METAP2: variants seen among roughly 807,000 people sequenced by gnomAD.
METAP2 encodes the protein methionyl aminopeptidase 2, also known as methionine aminopeptidase 2.
In METAP2, 25 loss-of-function variants were observed where a neutral mutation model predicts 59.4. That is an observed-to-expected ratio of 0.42 (90% CI 0.31 to 0.59). METAP2 has a LOEUF of 0.59. METAP2 is among the 20% of genes least tolerant of loss of function. The pLI is 0.16. For synonymous variants in METAP2, 214 were observed against 194.1 expected, an observed-to-expected ratio of 1.10 and a Z score of -0.85; for missense variants, 366 against 581.2, an observed-to-expected ratio of 0.63 and a Z score of 3.81.
chr12:95,493,890 G>A (rs1460940701), intron 4 of METAP2, among the ~76,000 whole-genome samples, 166 bp from the exon 5 acceptor site: 1 of 152,178 alleles, frequency 6.6e-6, no homozygotes, highest in Non-Finnish European at 1.5e-5. Context: ...AATTTCATTT[G>A]AGTTGGTTGC....
chr12:95,474,403 G>C, intron 1 of METAP2, 73 bp downstream of exon 1: 2 of 1,525,812 alleles, frequency 1.3e-6, no homozygotes, highest in Non-Finnish European at 8.8e-7. Flanking sequence ...CCGTTGAGGG[G>C]GCCGGGACCG....
intron 4 of METAP2, among the ~76,000 whole-genome samples, chr12:95,492,495 C>A (rs952357153): frequency 3.3e-5 from 5 of 151,620 alleles, no homozygotes; most frequent in African/African-American, 1.2e-4. Flanking sequence ...TATCTGAACT[C>A]GAGACTTTGA....
chr12:95,501,061 G>C (rs1197256463), intron 7 of METAP2, among the ~76,000 whole-genome samples: 1 of 148,200 alleles, frequency 6.7e-6, no homozygotes. Flanking sequence ...ACCCAGGCTG[G>C]AGTACAGTGG....
At chr12:95,493,840 G>C (rs1282487141) in intron 4 of METAP2, among the ~76,000 whole-genome samples, 1 of 152,220 alleles carries the variant, frequency 6.6e-6, no homozygotes, top group Non-Finnish European at 1.5e-5. Flanking sequence ...AATCTCACAT[G>C]AGGGTTTTTT....
chr12:95,505,462 T>C (rs1354186616), intron 8 of METAP2, among the ~76,000 whole-genome samples: 1 of 151,650 alleles, frequency 6.6e-6, no homozygotes, highest in Non-Finnish European at 1.5e-5. Flanking sequence ...TTAGCTGGGA[T>C]TACAGGTGCC....
intron 8 of METAP2, among the ~76,000 whole-genome samples, chr12:95,504,432 C>T (rs2076341648): frequency 6.6e-6 from 1 of 152,190 alleles, no homozygotes; most frequent in South Asian, 2.1e-4. Context: ...CAAATCAAGG[C>T]TGAGAGAAGC....
intron 9 of METAP2, among the ~76,000 whole-genome samples, chr12:95,512,222 A>G (rs994519551): frequency 7.2e-5 from 11 of 152,198 alleles, no homozygotes; most frequent in Non-Finnish European, 1.3e-4. Flanking sequence ...TCAACATTTA[A>G]TGAATATTTA....
chr12:95,509,879 C>T, intron 8 of METAP2, among the ~76,000 whole-genome samples: 1 of 145,754 alleles, frequency 6.9e-6, no homozygotes, highest in African/African-American at 2.6e-5. Flanking sequence ...GACTCTGTCG[C>T]CCAGACTGGA....
At chr12:95,501,492 G>C (rs1191009098) in intron 7 of METAP2, among the ~76,000 whole-genome samples, 1 of 152,128 alleles carries the variant, frequency 6.6e-6, no homozygotes, top group South Asian at 2.1e-4. Context: ...TGAGGCGGGC[G>C]GATCACGAGG....
intron 2 of METAP2, 31 bp downstream of exon 2, chr12:95,476,209 A>C: frequency 6.9e-7 from 1 of 1,457,488 alleles, no homozygotes; most frequent in Non-Finnish European, 9.5e-7. Flanking sequence ...TTGTGGTTAG[A>C]AAAGCTAGAA....
intron 4 of METAP2, 44 bp downstream of exon 4, chr12:95,486,025 T>C (rs768673713): frequency 1.2e-5 from 16 of 1,309,520 alleles, no homozygotes; most frequent in East Asian, 7.3e-5. Flanking sequence ...CTGACAGTTA[T>C]AGCTTAGCAA....
Position 95,514,132 on chromosome 12 carries a change from T to G in METAP2, c.*228T>G. On this transcript the variant is annotated 3_prime_UTR_variant, in exon 11 of 11. Transcript: ENST00000323666. ...GCTAACTGTTTTTCCCCTTCCTGTC[T>G]AGGAAAATGCTATAAAGCTCAAATT... is the stretch of plus-strand genomic sequence containing the variant. The G allele has an allele frequency of 1.9e-6, 1 of 517,322 alleles. No individual in the cohort carries two copies. Among genetic ancestry groups the G allele is most frequent in the Non-Finnish European group, 3.3e-6 (1 of 301,602 alleles). The allele number at this position is 517,322 out of a possible 1,614,324, so 32.0% of individuals were successfully genotyped here. A position where few individuals can be genotyped will look rare whatever the true frequency, so the allele number is the denominator to read the frequency against.
At chr12:95,477,691 A>G (rs377183588) in intron 2 of METAP2, among the ~76,000 whole-genome samples, 14 of 152,286 alleles carry the variant, frequency 9.2e-5, no homozygotes, top group South Asian at 4.1e-4. Flanking sequence ...CTCAAGCACC[A>G]CCAGCCTGGG....
At chr12:95,495,213 T>A in intron 6 of METAP2, 75 bp downstream of exon 6, 1 of 1,280,620 alleles carries the variant, frequency 7.8e-7, no homozygotes, top group Non-Finnish European at 1.1e-6. Context: ...AATGGAGTGA[T>A]AAATACTGAA....
chr12:95,512,945 G>T, intron 10 of METAP2, 29 bp downstream of exon 10: 1 of 1,294,994 alleles, frequency 7.7e-7, no homozygotes, highest in Non-Finnish European at 1.1e-6. Context: ...GATTTTATGT[G>T]GCTAATTAGC....
chr12:95,483,204 T>C lies in METAP2; in HGVS notation c.260-11T>C. On this transcript the variant is annotated splice_polypyrimidine_tract_variant and intron_variant, in intron 2 of 10. Coordinates refer to ENST00000323666, the MANE Select transcript of METAP2 (RefSeq NM_006838.4). Reference sequence around the variant, plus strand: ...TTTAAATGAACATGTACTTGAAATGTCTTTTCTTAGATGGAGATGGCGATG... The same window carrying C: ...TTTAAATGAACATGTACTTGAAATGCCTTTTCTTAGATGGAGATGGCGATG... 6.2e-7 allele frequency: 1 copy of C among 1,607,262 alleles called. No individual in the cohort carries two copies. The highest frequency in any genetic ancestry group is 8.5e-7 in the Non-Finnish European group (1 of 1,173,698).
chr12:95,486,501 CTT>C (rs796963696), intron 4 of METAP2, among the ~76,000 whole-genome samples: 14 of 142,594 alleles, frequency 9.8e-5, no homozygotes, highest in African/African-American at 1.0e-4. Flanking sequence ...TTTAATGTTA[CTT>C]TTTTTTTTTT....
chr12:95,511,618 C>CT (rs1257895897), intron 8 of METAP2, among the ~76,000 whole-genome samples: 2 of 152,262 alleles, frequency 1.3e-5, no homozygotes, highest in East Asian at 3.9e-4. Flanking sequence ...TCTCGAACTC[C>CT]TGACCTCAGG....
intron 4 of METAP2, among the ~76,000 whole-genome samples, chr12:95,493,222 TC>T (rs2076252662): frequency 6.6e-6 from 1 of 152,164 alleles, no homozygotes; most frequent in Non-Finnish European, 1.5e-5. Flanking sequence ...ACGCCTGTAA[TC>T]CCAGCCACTC....
Sources: allele counts gnomAD v4.1 joint callset (sites outside exome capture counted in the v4.1 genomes callset), GRCh38; gene constraint gnomAD v4.1.1; transcripts MANE v1.5; gene names NCBI Gene and HGNC (gene_info 2026-07-23, HGNC 2026-07-21).